The following ZFHX3 variants were observed in gnomAD, a reference collection of about 807,000 sequenced individuals.
ZFHX3 encodes zinc finger homeobox 3.
Under a neutral mutation model 279.1 loss-of-function variants are expected in ZFHX3, and 42 were observed. The ratio of observed to expected loss-of-function variants is 0.15; its 90% CI spans 0.12 to 0.19. The LOEUF is 0.19. ZFHX3 is among the 10% of genes least tolerant of loss of function. ZFHX3 has a pLI of 1.00. For missense variants in ZFHX3, 4,981 were observed against 4,754.0 expected, an observed-to-expected ratio of 1.05 and a Z score of -1.40; for synonymous variants, 2,293 against 1,957.8, an observed-to-expected ratio of 1.17 and a Z score of -4.52.
intron 5 of ZFHX3, among the ~76,000 whole-genome samples, chr16:72,823,899 G>A (rs1198203332): frequency 6.6e-6 from 1 of 152,056 alleles, no homozygotes. Context: ...TTCCTAACAC[G>A]TTTCCTCTCA....
rs10654824 is a variant in ZFHX3 at position 73,778,236 on chromosome 16, T to TAAAAAAAAAA, written c.-1607-98006_-1607-97997dup. 5.6e-4 allele frequency among the ~76,000 whole-genome samples: 33 copies of TAAAAAAAAAA among 58,706 alleles called. 5 individuals carry two copies. The highest frequency in any genetic ancestry group is 2.4e-3 in the African/African-American group (31 of 12,672). 38.5% of individuals were successfully genotyped at this position (58,706 alleles called of 152,430 possible). ...ACTACCTTTACTGTTGAAGGAGTGT[T>TAAAAAAAAAA]AAAAAAAAAAAAAAAAAAAAAAAAA... On this transcript the variant is annotated intron_variant, in intron 1 of 17. Transcript: ENST00000641206.
intron 5 of ZFHX3, among the ~76,000 whole-genome samples, chr16:73,209,092 G>A (rs1247311640): frequency 6.6e-6 from 1 of 152,030 alleles, no homozygotes; most frequent in African/African-American, 2.4e-5. Context: ...TAGCCTCAAA[G>A]CCAAGGCCAA....
chr16:73,801,554 T>G (rs1476943356), intron 1 of ZFHX3, among the ~76,000 whole-genome samples: 1 of 152,228 alleles, frequency 6.6e-6, no homozygotes, highest in Non-Finnish European at 1.5e-5. Flanking sequence ...GTTTCGACAC[T>G]GCTGCTAATT....
chr16:73,532,195 T>C (rs1484500475), intron 2 of ZFHX3, among the ~76,000 whole-genome samples: 1 of 151,936 alleles, frequency 6.6e-6, no homozygotes, highest in Non-Finnish European at 1.5e-5. Context: ...AGCTCCCACG[T>C]GTTATGGGAG....
At chr16:73,481,857 T>C (rs1238428920) in intron 2 of ZFHX3, among the ~76,000 whole-genome samples, 1 of 152,074 alleles carries the variant, frequency 6.6e-6, no homozygotes, top group African/African-American at 2.4e-5. Context: ...TACTCTCCCA[T>C]ATCTGCCCAG....
chr16:73,382,306 C>T (rs35278702), intron 3 of ZFHX3, among the ~76,000 whole-genome samples: 14,447 of 152,150 alleles, frequency 0.095, 1,053 homozygotes, highest in South Asian at 0.2. Context: ...TTTTATACGA[C>T]GAAGATGTTA....
In ZFHX3 at chr16:72,950,870, C is replaced by T. The variant is rs200792812; in HGVS notation, c.2815G>A (p.Asp939Asn). The T allele has an allele frequency of 9.3e-6, 15 of 1,614,070 alleles. No homozygotes were observed. Among genetic ancestry groups the T allele is most frequent in the South Asian group, 8.8e-5 (8 of 91,084 alleles). The change falls in exon 3 of 10, where the codon GAC becomes AAC. Residue 939 changes from aspartate to asparagine, a missense_variant. By Grantham distance (23) the Asp-to-Asn change is conservative. Around this residue, in one of 7 missense-constraint regions of ZFHX3, gnomAD observed 1,751 missense variants for 1,770.0 expected, o/e 0.99. Transcript: ENST00000268489. ...NLGESFIQTNDPSLKLFQCAV... is the reference protein window; with the variant it reads ...NLGESFIQTNNPSLKLFQCAV... Reference sequence around the variant, plus strand: ...CACTGGAAGAGCTTCAGCGACGGGTCGTTGGTCTGGATGAAGCTCTCGCCC... The same window carrying T: ...CACTGGAAGAGCTTCAGCGACGGGTTGTTGGTCTGGATGAAGCTCTCGCCC...
intron 3 of ZFHX3, among the ~76,000 whole-genome samples, chr16:72,927,571 C>T (rs73590791): frequency 0.019 from 2,905 of 152,266 alleles, 82 homozygotes; most frequent in African/African-American, 0.066. Context: ...TATCTCGTGA[C>T]TTGGACTCAA....
intron 2 of ZFHX3, among the ~76,000 whole-genome samples, chr16:73,580,579 T>A (rs1004861527): frequency 9.2e-5 from 14 of 151,798 alleles, no homozygotes; most frequent in African/African-American, 3.2e-4. Context: ...ACCACTCATA[T>A]AAGAAAGACA....
intron 4 of ZFHX3, among the ~76,000 whole-genome samples, chr16:73,300,420 T>A (rs572866757): frequency 4.6e-5 from 7 of 152,138 alleles, no homozygotes; most frequent in African/African-American, 1.4e-4. Flanking sequence ...CACTGAGGCA[T>A]AAAGATGTCC....
At chr16:73,080,082 G>T (rs1383517996) in intron 8 of ZFHX3, among the ~76,000 whole-genome samples, 3 of 152,144 alleles carry the variant, frequency 2.0e-5, no homozygotes, top group African/African-American at 7.2e-5. Context: ...TTGCCTTCCT[G>T]TTTCCAGTTT....
intron 3 of ZFHX3, among the ~76,000 whole-genome samples, chr16:73,379,034 C>T (rs907028700): frequency 5.3e-5 from 8 of 152,166 alleles, no homozygotes; most frequent in African/African-American, 1.9e-4. Context: ...CCCAAGAACT[C>T]AGTGTGTGGA....
chr16:72,796,947 G>T lies in ZFHX3; in HGVS notation c.5735C>A (p.Ala1912Asp). Residue 1912 changes from alanine to aspartate, a missense_variant, in exon 9 of 10, where the codon GCC becomes GAC. By Grantham distance (126) the Ala-to-Asp change is moderately radical. Transcript: ENST00000268489. ...CTCTTTCTTCTCTTTGGCCTTCAAG[G>T]CATCTGGCAGTGTTTCCTTCGGACC... ...NTGPKETLPDALKAKEKKELA... is the reference protein window; with the variant it reads ...NTGPKETLPDDLKAKEKKELA... The T allele has an allele frequency of 6.2e-7, 1 of 1,613,922 alleles. No individual in the cohort carries two copies. The highest frequency in any genetic ancestry group is 1.7e-5 in the Admixed American group (1 of 59,998).
intron 1 of ZFHX3, among the ~76,000 whole-genome samples, chr16:73,753,537 A>G (rs959768630): frequency 1.3e-5 from 2 of 152,184 alleles, no homozygotes; most frequent in African/African-American, 2.4e-5. Context: ...TTAAGTGGGT[A>G]TAAATACAGT....
intron 1 of ZFHX3, among the ~76,000 whole-genome samples, chr16:73,802,764 G>T (rs1188818910): frequency 6.6e-6 from 1 of 152,068 alleles, no homozygotes; most frequent in African/African-American, 2.4e-5. Flanking sequence ...CAATAAGCAG[G>T]TATATATTAT....
At chr16:73,030,458 T>C (rs4788690) in intron 1 of ZFHX3, among the ~76,000 whole-genome samples, 27,102 of 152,150 alleles carry the variant, frequency 0.18, 2,610 homozygotes, top group Admixed American at 0.3. Flanking sequence ...GAGGATGTAA[T>C]TGGTGAGGCA....
intron 4 of ZFHX3, among the ~76,000 whole-genome samples, chr16:73,310,279 G>C (rs2015294853): frequency 6.6e-6 from 1 of 152,030 alleles, no homozygotes; most frequent in Non-Finnish European, 1.5e-5. Flanking sequence ...TGGTGAAATG[G>C]GAGCATTCCA....
chr16:73,036,201 C>T (rs2144689093), intron 1 of ZFHX3, among the ~76,000 whole-genome samples: 1 of 152,334 alleles, frequency 6.6e-6, no homozygotes, highest in African/African-American at 2.4e-5. Flanking sequence ...AAGGTGCAGG[C>T]AGCACAGATG....
At chr16:72,881,835 C>G (rs562802185) in intron 4 of ZFHX3, among the ~76,000 whole-genome samples, 12 of 152,334 alleles carry the variant, frequency 7.9e-5, no homozygotes, top group African/African-American at 2.9e-4. Context: ...CCCCCAACTC[C>G]CAGCCCAGCA....
Sources: allele counts gnomAD v4.1 joint callset (sites outside exome capture counted in the v4.1 genomes callset), GRCh38; gene constraint gnomAD v4.1.1; regional missense constraint gnomAD v4.1.1; transcripts MANE v1.5; gene names NCBI Gene and HGNC (gene_info 2026-07-23, HGNC 2026-07-21).